FBXO41: variants seen among roughly 807,000 people sequenced by gnomAD.
FBXO41 encodes F-box protein 41, also known as F-box only protein 41.
A neutral mutation model predicts 81.6 loss-of-function variants in FBXO41; 33 were observed. The ratio of observed to expected loss-of-function variants is 0.40; its 90% confidence interval spans 0.31 to 0.54. The LOEUF is 0.54. Ranked by LOEUF, FBXO41 falls within the 20% of genes least tolerant of loss-of-function variation. The pLI is 0.39. For missense variants in FBXO41, 1,107 were observed against 1,236.0 expected, an observed-to-expected ratio of 0.90 and a Z score of 1.56; for synonymous variants, 576 against 552.7, an observed-to-expected ratio of 1.04 and a Z score of -0.59.
rs1047422621 is a variant in FBXO41 at position 73,256,834 on chromosome 2, C to G, written c.*2148G>C. ...CTTTCTAGGGCTAATGCCAGGCATT[C>G]TAGTGTGTACCACCCAGAGAGAAGT... On this transcript the variant is annotated 3_prime_UTR_variant, in exon 13 of 13. Coordinates refer to ENST00000520530, the MANE Select transcript of FBXO41 (RefSeq NM_001371389.2). The G allele has an allele frequency of 2.0e-5, 3 of 152,732 alleles. No homozygotes were observed. Among genetic ancestry groups the G allele is most frequent in the African/African-American group, 7.2e-5 (3 of 41,462 alleles). 9.5% of individuals were successfully genotyped at this position (152,732 alleles called of 1,614,324 possible). A position where few individuals can be genotyped will look rare whatever the true frequency, so the allele number is the denominator to read the frequency against.
At position 73,260,567 on chromosome 2, in the gene FBXO41, G is replaced by A. The variant is rs369615563; in HGVS notation, c.2291-20C>T. On this transcript the variant is annotated intron_variant, in intron 10 of 12. Transcript: ENST00000520530. This position sits in a 1 kb window ranked among gnomAD's most constrained non-coding sequence, Gnocchi z 5.0. Reference sequence around the variant, plus strand: ...TTCTCGCTAGGAAGAGGAAGAAGGGGGATCCTGCTGACACACTCCCCAGGT... The same window carrying A: ...TTCTCGCTAGGAAGAGGAAGAAGGGAGATCCTGCTGACACACTCCCCAGGT... 26 of 1,572,184 alleles carry A rather than the reference G, an allele frequency of 1.7e-5. No homozygotes were observed. The highest frequency in any genetic ancestry group is 2.2e-5 in the Non-Finnish European group (25 of 1,159,484).
At chr2:73,263,876 G>A in intron 7 of FBXO41, 46 bp from the exon 8 acceptor site, 1 of 1,613,990 alleles carries the variant, frequency 6.2e-7, no homozygotes, top group African/African-American at 1.3e-5. Flanking sequence ...TCCTCCTCTG[G>A]GAAACTTAAT....
In FBXO41 at chr2:73,274,073, G is replaced by C. The variant is rs142082577; in HGVS notation, c.-138-4305C>G. Among the ~76,000 whole-genome samples, 4 of 152,264 alleles carry C rather than the reference G, an allele frequency of 2.6e-5. No individual in the cohort carries two copies. In the East Asian group the frequency reaches 7.7e-4, roughly 29 times the overall value. On this transcript the variant is annotated intron_variant, in intron 1 of 12. Transcript: ENST00000520530. The stretch of plus-strand genomic sequence containing the variant: ...TCATCACATCTAGACTGCTGGCCCA[G>C]CCTTCAGTCCCGCAGCTCCATTCCA...
intron 1 of FBXO41, chr2:73,272,247 A>G (rs891863082): frequency 1.8e-4 from 28 of 152,204 alleles, no homozygotes; most frequent in African/African-American, 6.5e-4. Context: ...TGTCTTTCCA[A>G]CGGCCTCAGT....
chr2:73,264,129 T>A, intron 6 of FBXO41, 76 bp from the exon 7 acceptor site: 1 of 1,552,300 alleles, frequency 6.4e-7, no homozygotes, highest in Non-Finnish European at 8.7e-7. Context: ...AGCCCCAGGA[T>A]AGAAGGCCCC....
In FBXO41 at chr2:73,266,393, T is replaced by G; in HGVS notation, c.1131+64A>C. On this transcript the variant is annotated intron_variant, in intron 3 of 12. Transcript: ENST00000520530. This position sits in a 1 kb window ranked among gnomAD's most constrained non-coding sequence, Gnocchi z 5.3. ...ATCATGGGGGAGATGTCCAGCCATG[T>G]GAAAGGTGAGGTTGTGGGGGGCCAG... The G allele has an allele frequency of 7.0e-7, 1 of 1,424,634 alleles. No homozygotes were observed. Among genetic ancestry groups the G allele is most frequent in the South Asian group, 1.5e-5 (1 of 66,470 alleles). 88.2% of individuals were successfully genotyped at this position (1,424,634 alleles called of 1,614,324 possible).
intron 1 of FBXO41, among the ~76,000 whole-genome samples, chr2:73,276,193 TGA>T (rs1196897930): frequency 1.3e-5 from 2 of 150,738 alleles, no homozygotes; most frequent in East Asian, 4.0e-4. Context: ...GTGGATCACC[TGA>T]GGTCAGGAGT....
chr2:73,270,696 A>G, intron 1 of FBXO41: 1 of 451,924 alleles, frequency 2.2e-6, no homozygotes, highest in South Asian at 1.7e-5. Flanking sequence ...TTTTGGCACA[A>G]GGTCCCTCCA....
chr2:73,269,448 G>A lies in FBXO41; in HGVS notation c.183C>T (p.Ala61=). 2 of 1,302,884 alleles carry A rather than the reference G, an allele frequency of 1.5e-6. No individual in the cohort carries two copies. Among genetic ancestry groups the A allele is most frequent in the Non-Finnish European group, 1.9e-6 (2 of 1,028,982 alleles). 80.7% of individuals were successfully genotyped at this position (1,302,884 alleles called of 1,614,324 possible). ...AAAAAAAAAA[A]SGFPLAPEPA... ...GCTCGGGAGCCAGCGGGAACCCCGA[G>A]GCAGCGGCGGCGGCGGCCGCGGCGG... The change falls in exon 2 of 13, where the codon GCC becomes GCT. Residue 61 remains alanine (A), a synonymous_variant. Transcript: ENST00000520530. This position sits in a 1 kb window ranked among gnomAD's most constrained non-coding sequence, Gnocchi z 7.0.
chr2:73,267,109 T>G (rs1392859858), intron 2 of FBXO41, among the ~76,000 whole-genome samples: 2 of 152,116 alleles, frequency 1.3e-5, no homozygotes, highest in East Asian at 3.9e-4. Flanking sequence ...TGTCCTTCGA[T>G]ACCCAGCATC....
At chr2:73,265,844 T>G (rs749446380) in intron 4 of FBXO41, 49 bp downstream of exon 4, 1 of 1,547,706 alleles carries the variant, frequency 6.5e-7, no homozygotes, top group Non-Finnish European at 8.8e-7. Flanking sequence ...CAGCGGATCC[T>G]TCCAGGGTGA....
In FBXO41 at chr2:73,266,467, G is replaced by T. The variant is rs763994092; in HGVS notation, c.1121C>A (p.Pro374Gln). 32 of 1,516,806 alleles carry T rather than the reference G, an allele frequency of 2.1e-5. No individual in the cohort carries two copies. Among genetic ancestry groups the T allele is most frequent in the Non-Finnish European group, 2.8e-5 (32 of 1,125,720 alleles). The allele number at this position is 1,516,806 out of a possible 1,614,324, so 94.0% of individuals were successfully genotyped here. The change falls in exon 3 of 13, where the codon CCA becomes CAA. Residue 374 changes from proline to glutamine, a missense_variant. By Grantham distance (76) the Pro-to-Gln change is moderately conservative. This residue lies in a region of FBXO41 where 771 missense variants were observed against 789.2 expected (regional missense o/e 0.98). Transcript: ENST00000520530. This position sits in a 1 kb window ranked among gnomAD's most constrained non-coding sequence, Gnocchi z 5.3. ...GGGAGPNARG[P>Q]GRMREHHVGP... ...CAGGTGGGCACTCACCATTCTGCCT[G>T]GGCCCCGGGCATTGGGTCCAGCACC...
rs1688408531 is a variant in FBXO41, at chr2:73,269,394, G to A, written c.237C>T (p.Ala79=). 2.0e-6 allele frequency: 3 copies of A among 1,469,066 alleles called. No individual in the cohort carries two copies. Among genetic ancestry groups the A allele is most frequent in the East Asian group, 3.0e-5 (1 of 32,980 alleles). The allele number at this position is 1,469,066 out of a possible 1,614,324, so 91.0% of individuals were successfully genotyped here. Residue 79 remains alanine (A), a synonymous_variant, in exon 2 of 13, where the codon GCC becomes GCT. Transcript: ENST00000520530. This position sits in a 1 kb window ranked among gnomAD's most constrained non-coding sequence, Gnocchi z 7.0. ...EPAALLAVPG[A]RREVFESTSF... is the part of the protein sequence containing the mutation. Reference sequence around the variant, plus strand: ...AAGTGCTCTCGAAGACCTCTCGCCGGGCGCCGGGCACGGCCAGCAGGGCGG... The same window carrying A: ...AAGTGCTCTCGAAGACCTCTCGCCGAGCGCCGGGCACGGCCAGCAGGGCGG...
rs928254259 is a variant in FBXO41, at chr2:73,264,503, G to A, written c.1581C>T (p.Gly527=). 6.2e-7 allele frequency: 1 copy of A among 1,613,570 alleles called. No individual in the cohort carries two copies. The highest frequency in any genetic ancestry group is 1.3e-5 in the African/African-American group (1 of 74,928). Reference sequence around the variant, plus strand: ...TCTCTGCTCGCCGACCCCGCCCACTGCCTCCCTCGGGGCGGGCTGCAGAAT... The same window carrying A: ...TCTCTGCTCGCCGACCCCGCCCACTACCTCCCTCGGGGCGGGCTGCAGAAT... ...SCRLSARPEG[G]SGRGRRAERV... The change falls in exon 6 of 13, where the codon GGC becomes GGT. Residue 527 remains glycine (G), a synonymous_variant. Transcript: ENST00000520530.
chr2:73,259,380 G>T lies in FBXO41; in HGVS notation c.2450-84C>A. On this transcript the variant is annotated intron_variant, in intron 11 of 12. Coordinates refer to ENST00000520530, the MANE Select transcript of FBXO41 (RefSeq NM_001371389.2). The surrounding 1 kb of genome is among the most constrained non-coding windows in gnomAD (Gnocchi z 4.2). Reference sequence around the variant, plus strand: ...CTCCTCTCACTAATTAATGAAATCAGACAATCAGGTGCCAGCTACCGGGAA... The same window carrying T: ...CTCCTCTCACTAATTAATGAAATCATACAATCAGGTGCCAGCTACCGGGAA... 1 of 1,168,432 alleles carries T rather than the reference G, an allele frequency of 8.6e-7. No individual in the cohort carries two copies. The highest frequency in any genetic ancestry group is 1.3e-6 in the Non-Finnish European group (1 of 785,712). 72.4% of individuals were successfully genotyped at this position (1,168,432 alleles called of 1,614,324 possible).
rs1687784871 is a variant in FBXO41 at position 73,255,722 on chromosome 2, A to C, written c.*3260T>G. 1 of 152,666 alleles carries C rather than the reference A, an allele frequency of 6.6e-6. No individual in the cohort carries two copies. Among genetic ancestry groups the C allele is most frequent in the African/African-American group, 2.4e-5 (1 of 41,452 alleles). 9.5% of individuals were successfully genotyped at this position (152,666 alleles called of 1,614,324 possible). ...CTCCCCACTGGTGGCCCCAAAGATA[A>C]GAGACCAGGAGTGGGGAAATAGGCA... is the stretch of plus-strand genomic sequence containing the variant. On this transcript the variant is annotated 3_prime_UTR_variant, in exon 13 of 13. Coordinates refer to ENST00000520530, the MANE Select transcript of FBXO41 (RefSeq NM_001371389.2).
chr2:73,280,232 T>G (rs1688810160), intron 1 of FBXO41, among the ~76,000 whole-genome samples: 1 of 152,114 alleles, frequency 6.6e-6, no homozygotes, highest in Non-Finnish European at 1.5e-5. Flanking sequence ...AATATTTGAT[T>G]TTGTCTACTT....
rs1457402113 is a variant in FBXO41, at chr2:73,269,211, G to A, written c.420C>T (p.Ala140=). ...EELAEPGLVP[A]AAARYALREI... is the part of the protein sequence containing the mutation. ...CGCGCAGCGCATAGCGCGCTGCTGC[G>A]GCGGGCACAAGGCCCGGCTCGGCCA... The change falls in exon 2 of 13, where the codon GCC becomes GCT. Residue 140 remains alanine (A), a synonymous_variant. Coordinates refer to ENST00000520530, the MANE Select transcript of FBXO41 (RefSeq NM_001371389.2). The surrounding 1 kb of genome is among the most constrained non-coding windows in gnomAD (Gnocchi z 7.0). 3 of 1,525,028 alleles carry A rather than the reference G, an allele frequency of 2.0e-6. No individual in the cohort carries two copies. The highest frequency in any genetic ancestry group is 1.2e-5 in the South Asian group (1 of 81,966). The allele number at this position is 1,525,028 out of a possible 1,614,324, so 94.5% of individuals were successfully genotyped here. A position where few individuals can be genotyped will look rare whatever the true frequency, so the allele number is the denominator to read the frequency against.
At chr2:73,265,818 C>G (rs1688242275) in intron 4 of FBXO41, 75 bp downstream of exon 4, 4 of 1,510,320 alleles carry the variant, frequency 2.6e-6, no homozygotes, top group East Asian at 2.5e-5. Context: ...GAGGGTGACA[C>G]AAGCCCCAGA....
Sources: gnomAD v4.1 joint callset for allele counts (sites outside exome capture counted in the v4.1 genomes callset) on GRCh38, gnomAD v4.1.1 for gene constraint, gnomAD v4.1.1 regional missense constraint, Gnocchi (gnomAD v3.1) non-coding constraint, MANE v1.5 for transcripts, NCBI Gene and HGNC (gene_info 2026-07-23, HGNC 2026-07-21) for gene names.